PTPRG: variants seen among roughly 807,000 people sequenced by gnomAD.
PTPRG encodes the protein protein tyrosine phosphatase receptor type G, also known as receptor-type tyrosine-protein phosphatase gamma.
PTPRG carries 102 observed loss-of-function variants against 165.3 expected under a neutral mutation model. The ratio of observed to expected loss-of-function variants is 0.62; its 90% CI spans 0.53 to 0.73. The LOEUF is 0.73. PTPRG is among the 30% of genes least tolerant of loss of function. PTPRG has a pLI of 0.00. For synonymous variants in PTPRG, 675 were observed against 669.5 expected (o/e 1.01, Z -0.13); for missense variants, 1,866 against 1,861.4 (o/e 1.00, Z -0.05).
chr3:62,005,140 T>C (rs532321756), intron 4 of PTPRG, among the ~76,000 whole-genome samples: 82 of 152,354 alleles, frequency 5.4e-4, no homozygotes, highest in African/African-American at 1.9e-3. Context: ...TGTTTTTTCT[T>C]GTTTAGCTGA....
chr3:62,272,285 T>C (rs1476373086), intron 21 of PTPRG, among the ~76,000 whole-genome samples: 1 of 152,218 alleles, frequency 6.6e-6, no homozygotes, highest in Admixed American at 6.5e-5. Context: ...TGAAAATATT[T>C]CATTTTTAAA....
intron 5 of PTPRG, among the ~76,000 whole-genome samples, chr3:62,123,598 T>C (rs1703163331): frequency 6.6e-6 from 1 of 152,134 alleles, no homozygotes; most frequent in Non-Finnish European, 1.5e-5. Flanking sequence ...TATAAAAGGG[T>C]TACGTTTACA....
intron 5 of PTPRG, among the ~76,000 whole-genome samples, chr3:62,078,583 A>T (rs1217154775): frequency 6.6e-6 from 1 of 152,102 alleles, no homozygotes; most frequent in Admixed American, 6.6e-5. Flanking sequence ...TATAAAAAAA[A>T]AGGTGTTTTT....
intron 4 of PTPRG, among the ~76,000 whole-genome samples, chr3:62,056,065 A>G (rs1268452929): frequency 6.6e-6 from 1 of 152,260 alleles, no homozygotes; most frequent in Non-Finnish European, 1.5e-5. Flanking sequence ...CCAAGGCTCT[A>G]ACAACTGTGC....
At chr3:61,840,635 T>A (rs1456503385) in intron 2 of PTPRG, among the ~76,000 whole-genome samples, 1 of 152,114 alleles carries the variant, frequency 6.6e-6, no homozygotes, top group African/African-American at 2.4e-5. Flanking sequence ...CTGGGCACTC[T>A]GTGGGTGGGT....
intron 14 of PTPRG, among the ~76,000 whole-genome samples, chr3:62,236,887 T>A (rs143405314): frequency 2.5e-4 from 38 of 152,242 alleles, no homozygotes; most frequent in African/African-American, 8.7e-4. Context: ...CTTCTCAGAG[T>A]GGGTGTACGT....
chr3:61,668,719 C>T lies in PTPRG; in HGVS notation c.86-80159C>T, dbSNP rs185143116. ...TTTGTGAACATTACCCTCTGCTGAACATGTAGACACTTCCTGAAGTTTAAT... is the reference window on the plus strand; with the variant it reads ...TTTGTGAACATTACCCTCTGCTGAATATGTAGACACTTCCTGAAGTTTAAT... On this transcript the variant is annotated intron_variant, in intron 1 of 29. Coordinates refer to ENST00000474889, the MANE Select transcript of PTPRG (RefSeq NM_002841.4). Among the ~76,000 whole-genome samples, 6 of 152,192 alleles carry T rather than the reference C, an allele frequency of 3.9e-5. No individual in the cohort carries two copies. The East Asian group carries it at 1.2e-3, about 29-fold the overall frequency.
intron 1 of PTPRG, among the ~76,000 whole-genome samples, chr3:61,661,061 C>G (rs1324527873): frequency 2.6e-5 from 4 of 151,880 alleles, no homozygotes; most frequent in Non-Finnish European, 2.9e-5. Context: ...TTTTTCCCCC[C>G]CTAATTAAAA....
chr3:61,869,708 A>G (rs1249631819), intron 2 of PTPRG, among the ~76,000 whole-genome samples: 1 of 152,022 alleles, frequency 6.6e-6, no homozygotes, highest in Non-Finnish European at 1.5e-5. Context: ...CCTCCCGAGT[A>G]TCTGGGACCG....
intron 2 of PTPRG, among the ~76,000 whole-genome samples, chr3:61,960,202 G>A (rs1386094314): frequency 1.3e-5 from 2 of 151,602 alleles, no homozygotes. Context: ...ACCCCTGAAG[G>A]CTGTTCTGCC....
intron 1 of PTPRG, among the ~76,000 whole-genome samples, chr3:61,684,393 T>C (rs937272546): frequency 6.6e-5 from 10 of 152,254 alleles, no homozygotes; most frequent in African/African-American, 2.4e-4. Flanking sequence ...GATTTTTCTT[T>C]TGGCATCTTT....
intron 8 of PTPRG, among the ~76,000 whole-genome samples, chr3:62,169,226 C>A (rs527884438): frequency 6.6e-6 from 1 of 152,142 alleles, no homozygotes; most frequent in East Asian, 1.9e-4. Context: ...GGCCTTTGCC[C>A]GGGAACTGCC....
At chr3:61,641,045 C>G (rs561183057) in intron 1 of PTPRG, among the ~76,000 whole-genome samples, 18 of 152,274 alleles carry the variant, frequency 1.2e-4, no homozygotes, top group South Asian at 2.1e-4. Flanking sequence ...GGCAGGTTAT[C>G]TTCTAACTAC....
chr3:61,750,268 C>T (rs1458385623), intron 2 of PTPRG: 1 of 152,164 alleles, frequency 6.6e-6, no homozygotes, highest in Non-Finnish European at 1.5e-5. Flanking sequence ...GTGGCTCTGA[C>T]ATCAGTCAGG....
intron 5 of PTPRG, among the ~76,000 whole-genome samples, chr3:62,094,038 A>G (rs1433309807): frequency 6.6e-6 from 1 of 152,182 alleles, no homozygotes; most frequent in East Asian, 1.9e-4. Context: ...GTTCATATCC[A>G]TTATCTGCTT....
intron 6 of PTPRG, among the ~76,000 whole-genome samples, chr3:62,149,688 G>A (rs1054253028): frequency 6.6e-6 from 1 of 152,072 alleles, no homozygotes; most frequent in African/African-American, 2.4e-5. Flanking sequence ...AGGCCCTCCT[G>A]TTGCCCACTG....
At chr3:62,079,828 G>A (rs950105228) in intron 5 of PTPRG, among the ~76,000 whole-genome samples, 2 of 152,214 alleles carry the variant, frequency 1.3e-5, no homozygotes, top group African/African-American at 4.8e-5. Flanking sequence ...GTGAAGTAGA[G>A]AGAACAGCTA....
At chr3:61,588,847 G>A (rs1700500887) in intron 1 of PTPRG, among the ~76,000 whole-genome samples, 1 of 152,162 alleles carries the variant, frequency 6.6e-6, no homozygotes, top group Non-Finnish European at 1.5e-5. Context: ...TAGATGCTCT[G>A]TTGTTTTCTT....
chr3:61,661,715 A>G (rs1004907385), intron 1 of PTPRG, among the ~76,000 whole-genome samples: 8 of 152,056 alleles, frequency 5.3e-5, no homozygotes, highest in Non-Finnish European at 1.0e-4. Flanking sequence ...TAAAGAGGAG[A>G]TATCAATTTG....
Sources: gnomAD v4.1 joint callset for allele counts (sites outside exome capture counted in the v4.1 genomes callset) on GRCh38, gnomAD v4.1.1 for gene constraint, MANE v1.5 for transcripts, NCBI Gene and HGNC (gene_info 2026-07-23, HGNC 2026-07-21) for gene names.